The following NCKAP5 variants were observed in gnomAD, a reference collection of about 807,000 sequenced individuals.
NCKAP5 encodes nck-associated protein 5.
Under a neutral mutation model 167.0 loss-of-function variants are expected in NCKAP5, and 92 were observed. The observed-to-expected ratio is 0.55, with a 90% CI of 0.47 to 0.66. The LOEUF (loss-of-function observed/expected upper bound fraction) is 0.66, where lower values mean the gene tolerates loss of function less well. NCKAP5 is among the 30% of genes least tolerant of loss of function. The pLI, the probability that NCKAP5 is intolerant of heterozygous loss-of-function variation, is 0.00. For synonymous variants in NCKAP5, 891 were observed against 877.4 expected, an observed-to-expected ratio of 1.02 and a Z score of -0.27; for missense variants, 2,378 against 2,315.0, an observed-to-expected ratio of 1.03 and a Z score of -0.56.
chr2:133,384,889 T>C (rs1449424125), intron 3 of NCKAP5, among the ~76,000 whole-genome samples: 1 of 152,202 alleles, frequency 6.6e-6, no homozygotes, highest in Admixed American at 6.5e-5. Flanking sequence ...TTTTTGTACA[T>C]TGATTTTGTA....
the NCKAP5 span, among the ~76,000 whole-genome samples, chr2:133,673,979 T>A: frequency 3.3e-3 from 499 of 152,282 alleles, 4 homozygotes; most frequent in African/African-American, 0.011. Flanking sequence ...ATACTCCAAC[T>A]TAGCATTCTT....
intron 3 of NCKAP5, among the ~76,000 whole-genome samples, chr2:133,466,335 T>C (rs1454132228): frequency 4.7e-5 from 7 of 150,088 alleles, no homozygotes; most frequent in African/African-American, 1.7e-4. Flanking sequence ...TGCGGCATTA[T>C]TTCTGAGGGC....
chr2:132,800,918 G>C (rs1156320686), intron 11 of NCKAP5, among the ~76,000 whole-genome samples: 1 of 152,166 alleles, frequency 6.6e-6, no homozygotes, highest in Admixed American at 6.5e-5. Context: ...CTAGCTGGGT[G>C]TCACGAAACC....
At chr2:132,834,606 A>G (rs1574369048) in intron 11 of NCKAP5, among the ~76,000 whole-genome samples, 1 of 152,212 alleles carries the variant, frequency 6.6e-6, no homozygotes, top group East Asian at 1.9e-4. Context: ...CGGCCTCCCA[A>G]AGTGCTGGGA....
At chr2:133,646,260 A>C in the NCKAP5 span, among the ~76,000 whole-genome samples, 1 of 152,142 alleles carries the variant, frequency 6.6e-6, no homozygotes, top group South Asian at 2.1e-4. Flanking sequence ...CCACTATCTT[A>C]TTCCCACAGA....
chr2:132,736,460 G>A (rs1405963418), intron 16 of NCKAP5, among the ~76,000 whole-genome samples: 1 of 152,080 alleles, frequency 6.6e-6, no homozygotes, highest in African/African-American at 2.4e-5. Flanking sequence ...CATCTTCAAT[G>A]AGTTGATGCA....
intron 6 of NCKAP5, among the ~76,000 whole-genome samples, chr2:133,051,355 C>A (rs2079600108): frequency 6.6e-6 from 1 of 152,046 alleles, no homozygotes; most frequent in African/African-American, 2.4e-5. Context: ...GAGGAATAAC[C>A]AAAAAGGTCT....
intron 1 of NCKAP5, among the ~76,000 whole-genome samples, chr2:133,567,521 C>G (rs568089144): frequency 1.1e-4 from 16 of 152,294 alleles, no homozygotes; most frequent in Admixed American, 7.8e-4. Context: ...AGTACATTAA[C>G]TTGGGTTCCA....
At chr2:132,767,328 C>A (rs1053975348) in intron 16 of NCKAP5, among the ~76,000 whole-genome samples, 4 of 152,016 alleles carry the variant, frequency 2.6e-5, no homozygotes, top group Admixed American at 6.6e-5. Context: ...CTCACCGCAA[C>A]CTCCGCCTCC....
chr2:133,083,251 G>A (rs1285646446), intron 6 of NCKAP5, among the ~76,000 whole-genome samples: 5 of 152,132 alleles, frequency 3.3e-5, no homozygotes, highest in African/African-American at 4.8e-5. Context: ...CAAGCCAAAA[G>A]TACCTTAGGT....
chr2:132,736,767 C>T (rs1228277621), intron 16 of NCKAP5, among the ~76,000 whole-genome samples: 1 of 152,120 alleles, frequency 6.6e-6, no homozygotes, highest in Non-Finnish European at 1.5e-5. Context: ...AGCCTGGTGA[C>T]AGTGAGACTC....
At chr2:133,647,481 GGA>G in the NCKAP5 span, among the ~76,000 whole-genome samples, 9 of 85,174 alleles carry the variant, frequency 1.1e-4, no homozygotes, top group Non-Finnish European at 1.8e-4. Flanking sequence ...GGGAAGGAAA[GGA>G]AAGGAAAGGA....
intron 8 of NCKAP5, among the ~76,000 whole-genome samples, chr2:132,920,767 GTATGTATATATATATATATATATATA>G (rs1695325987): frequency 3.2e-5 from 1 of 31,248 alleles, no homozygotes; most frequent in Admixed American, 2.8e-4. Context: ...GTATATATAT[GTATGTATATATATATATATATATATA>G]TATATATATA....
intron 1 of NCKAP5, among the ~76,000 whole-genome samples, chr2:133,567,418 TG>T (rs1488922489): frequency 1.3e-5 from 2 of 151,694 alleles, no homozygotes; most frequent in Non-Finnish European, 2.9e-5. Flanking sequence ...AGAGAATATC[TG>T]GAGAGTTTTA....
At chr2:132,768,831 G>A (rs1681763084) in intron 16 of NCKAP5, among the ~76,000 whole-genome samples, 2 of 151,296 alleles carry the variant, frequency 1.3e-5, no homozygotes. Context: ...AGTAGAGACG[G>A]GGTTTCACTG....
At chr2:133,462,306 C>T (rs1472611374) in intron 3 of NCKAP5, among the ~76,000 whole-genome samples, 2 of 152,044 alleles carry the variant, frequency 1.3e-5, no homozygotes, top group Non-Finnish European at 2.9e-5. Context: ...CAGAGTGGAG[C>T]CATAATGGAT....
At chr2:132,942,259 AT>A (rs1201530419) in intron 8 of NCKAP5, among the ~76,000 whole-genome samples, 2 of 152,200 alleles carry the variant, frequency 1.3e-5, no homozygotes, top group Non-Finnish European at 2.9e-5. Flanking sequence ...CATAATTTAG[AT>A]AAGTGATTCT....
chr2:133,021,882 C>G (rs1035001805), intron 6 of NCKAP5, among the ~76,000 whole-genome samples: 1 of 152,178 alleles, frequency 6.6e-6, no homozygotes, highest in Non-Finnish European at 1.5e-5. Context: ...CCACCCTCCT[C>G]CACCTCCCAA....
At chr2:133,236,070 C>CAAAAAAAAAAAAAAA (rs527705526) in intron 4 of NCKAP5, among the ~76,000 whole-genome samples, 6 of 15,676 alleles carry the variant, frequency 3.8e-4, no homozygotes, top group African/African-American at 8.5e-4. Context: ...TGTCTCAGAC[C>CAAAAAAAAAAAAAAA]AAAAAAAAAA....
Sources: gnomAD v4.1 joint callset for allele counts (sites outside exome capture counted in the v4.1 genomes callset) on GRCh38, gnomAD v4.1.1 for gene constraint, MANE v1.5 for transcripts, NCBI Gene and HGNC (gene_info 2026-07-23, HGNC 2026-07-21) for gene names.